CA10: variants seen among roughly 807,000 people sequenced by gnomAD.
CA10 encodes carbonic anhydrase 10 (inactive).
A neutral mutation model predicts 44.2 loss-of-function variants in CA10; 14 were observed. The ratio of observed to expected loss-of-function variants is 0.32; its 90% CI spans 0.21 to 0.50. The LOEUF (loss-of-function observed/expected upper bound fraction) is 0.50. CA10 is among the 20% of genes least tolerant of loss of function. CA10 has a pLI of 0.99. For missense variants in CA10, 350 were observed against 409.7 expected (o/e 0.85, Z 1.26); for synonymous variants, 159 against 141.6 (o/e 1.12, Z -0.87).
chr17:51,898,093 C>T (rs1446749626), intron 3 of CA10, among the ~76,000 whole-genome samples: 1 of 152,056 alleles, frequency 6.6e-6, no homozygotes, highest in Non-Finnish European at 1.5e-5. Flanking sequence ...CTGGGACTTC[C>T]AGTACTATGT....
intron 1 of CA10, among the ~76,000 whole-genome samples, chr17:52,123,704 C>T (rs1989060906): frequency 6.6e-6 from 1 of 152,182 alleles, no homozygotes; most frequent in African/African-American, 2.4e-5. Flanking sequence ...AATGTAAGCT[C>T]TCTGAGTTGC....
At chr17:51,724,648 A>G (rs1410899239) in intron 4 of CA10, among the ~76,000 whole-genome samples, 1 of 152,188 alleles carries the variant, frequency 6.6e-6, no homozygotes, top group Non-Finnish European at 1.5e-5. Flanking sequence ...TCATTATGAT[A>G]TCTGTGCAAT....
chr17:51,685,143 G>T (rs895956812), intron 4 of CA10, among the ~76,000 whole-genome samples: 4 of 152,168 alleles, frequency 2.6e-5, no homozygotes, highest in Non-Finnish European at 4.4e-5. Context: ...TTACAATTAG[G>T]CTAGGGATGG....
intron 1 of CA10, among the ~76,000 whole-genome samples, chr17:52,132,943 T>C (rs1160373882): frequency 6.6e-6 from 1 of 152,100 alleles, no homozygotes; most frequent in Admixed American, 6.5e-5. Flanking sequence ...GGGGTGGAAT[T>C]ACAGGGCTTA....
At chr17:52,000,731 G>A (rs1985393389) in intron 2 of CA10, among the ~76,000 whole-genome samples, 1 of 152,018 alleles carries the variant, frequency 6.6e-6, no homozygotes, top group Non-Finnish European at 1.5e-5. Flanking sequence ...TATTGCCTAT[G>A]CATATCAGTT....
intron 3 of CA10, among the ~76,000 whole-genome samples, chr17:51,803,179 C>A (rs1210930606): frequency 4.6e-5 from 7 of 152,174 alleles, no homozygotes; most frequent in African/African-American, 1.7e-4. Context: ...GATCATCTTG[C>A]AGGAAGGCTG....
chr17:51,851,963 C>G (rs1219634001), intron 3 of CA10, among the ~76,000 whole-genome samples: 1 of 152,088 alleles, frequency 6.6e-6, no homozygotes, highest in Non-Finnish European at 1.5e-5. Context: ...TTAGGAAAAG[C>G]TCTCTATGTG....
At chr17:51,997,869 G>A (rs552501616) in intron 2 of CA10, among the ~76,000 whole-genome samples, 5 of 152,010 alleles carry the variant, frequency 3.3e-5, no homozygotes, top group East Asian at 3.9e-4. Context: ...AGTAAACATC[G>A]CACCAGAGTC....
At chr17:51,721,847 C>T (rs1424274494) in intron 4 of CA10, among the ~76,000 whole-genome samples, 1 of 152,192 alleles carries the variant, frequency 6.6e-6, no homozygotes, top group Non-Finnish European at 1.5e-5. Flanking sequence ...CCTAGTCCTG[C>T]TGCAACCTTA....
chr17:52,147,768 C>G (rs1052267633), intron 1 of CA10, among the ~76,000 whole-genome samples: 3 of 152,172 alleles, frequency 2.0e-5, no homozygotes, highest in Non-Finnish European at 4.4e-5. Flanking sequence ...CTATCACACC[C>G]AGGTCATACA....
chr17:52,009,863 G>C (rs962429332), intron 2 of CA10, among the ~76,000 whole-genome samples: 2 of 151,764 alleles, frequency 1.3e-5, no homozygotes, highest in Non-Finnish European at 2.9e-5. Flanking sequence ...ATCCAACAAA[G>C]GACGAGTATC....
intron 4 of CA10, among the ~76,000 whole-genome samples, chr17:51,701,845 A>G (rs962738916): frequency 1.3e-5 from 2 of 152,218 alleles, no homozygotes; most frequent in African/African-American, 4.8e-5. Flanking sequence ...TTTTACGACT[A>G]GAGACAGAGT....
At chr17:52,107,268 G>A (rs2143270333) in intron 1 of CA10, among the ~76,000 whole-genome samples, 1 of 152,186 alleles carries the variant, frequency 6.6e-6, no homozygotes, top group South Asian at 2.1e-4. Context: ...TTTTACTCTT[G>A]CTATAAAGTG....
At chr17:51,741,913 G>A (rs1567824069) in intron 4 of CA10, among the ~76,000 whole-genome samples, 2 of 152,204 alleles carry the variant, frequency 1.3e-5, no homozygotes, top group South Asian at 2.1e-4. Context: ...ATAATAGATT[G>A]GGGTCAGCTA....
rs12386069 is a variant in CA10, at chr17:51,949,604, C to T, written c.137-18472G>A. Among the ~76,000 whole-genome samples, 1,103 of 152,254 alleles carry T rather than the reference C, an allele frequency of 7.2e-3. 17 individuals carry two copies. Among genetic ancestry groups the T allele is most frequent in the African/African-American group, 0.025 (1,029 of 41,556 alleles). ...GTCTCTCACTGTGGCCAAGATTCCACGCCAAAGAATGTTCATTTAGCGTGT... is the reference window on the plus strand; with the variant it reads ...GTCTCTCACTGTGGCCAAGATTCCATGCCAAAGAATGTTCATTTAGCGTGT... On this transcript the variant is annotated intron_variant, in intron 2 of 8. Transcript: ENST00000451037.
chr17:52,105,504 C>T (rs553274546), intron 1 of CA10, among the ~76,000 whole-genome samples: 10 of 152,160 alleles, frequency 6.6e-5, no homozygotes, highest in African/African-American at 2.4e-4. Context: ...ATCTGCCCGC[C>T]CTGGCCTCCC....
At chr17:51,812,639 A>G (rs1295916956) in intron 3 of CA10, among the ~76,000 whole-genome samples, 1 of 152,254 alleles carries the variant, frequency 6.6e-6, no homozygotes, top group African/African-American at 2.4e-5. Context: ...TTGATGGAGA[A>G]GGAAATTAAT....
chr17:51,819,547 G>A (rs1219798394), intron 3 of CA10, among the ~76,000 whole-genome samples: 1 of 152,192 alleles, frequency 6.6e-6, no homozygotes, highest in Non-Finnish European at 1.5e-5. Context: ...GGAGCTGTTT[G>A]GGGCTAATTA....
chr17:51,772,359 T>C (rs1414515369), intron 3 of CA10, among the ~76,000 whole-genome samples: 4 of 152,206 alleles, frequency 2.6e-5, no homozygotes, highest in Non-Finnish European at 2.9e-5. Flanking sequence ...CAAATGAGTA[T>C]ATGCACTTGC....
Sources: allele counts gnomAD v4.1 joint callset (sites outside exome capture counted in the v4.1 genomes callset), GRCh38; gene constraint gnomAD v4.1.1; transcripts MANE v1.5; gene names NCBI Gene and HGNC (gene_info 2026-07-23, HGNC 2026-07-21).